The following TNS3 variants were observed in gnomAD, a reference collection of about 807,000 sequenced individuals.
TNS3 encodes the protein tensin-3.
TNS3 carries 45 observed loss-of-function variants against 140.9 expected under a neutral mutation model. That is an observed-to-expected ratio of 0.32 (90% CI 0.25 to 0.41). The LOEUF is 0.41. Among genes scored for constraint, TNS3 ranks in the 10% least tolerant of loss-of-function variants. TNS3 has a pLI of 1.00. For missense variants in TNS3, 1,716 were observed against 1,906.7 expected, an observed-to-expected ratio of 0.90 and a Z score of 1.86; for synonymous variants, 815 against 788.4, an observed-to-expected ratio of 1.03 and a Z score of -0.56.
At chr7:47,418,590 T>C (rs1482990962) in intron 10 of TNS3, among the ~76,000 whole-genome samples, 1 of 152,256 alleles carries the variant, frequency 6.6e-6, no homozygotes, top group East Asian at 1.9e-4. Flanking sequence ...ATTTTCCCAT[T>C]GCTATCTTTT....
chr7:47,449,632 G>A (rs891247624), intron 4 of TNS3, among the ~76,000 whole-genome samples: 2 of 152,164 alleles, frequency 1.3e-5, no homozygotes, highest in African/African-American at 4.8e-5. Flanking sequence ...GTTTGAGACA[G>A]GGTCTCACTC....
intron 3 of TNS3, among the ~76,000 whole-genome samples, chr7:47,503,096 A>G (rs1262826744): frequency 1.3e-5 from 2 of 152,046 alleles, no homozygotes; most frequent in Non-Finnish European, 2.9e-5. Context: ...TCCCCTCACT[A>G]ACTCCTGCGT....
intron 4 of TNS3, among the ~76,000 whole-genome samples, chr7:47,463,279 T>G (rs1366772689): frequency 6.6e-6 from 1 of 152,110 alleles, no homozygotes; most frequent in Non-Finnish European, 1.5e-5. Context: ...ACCCCATCTC[T>G]ACTAAAAATG....
intron 13 of TNS3, among the ~76,000 whole-genome samples, chr7:47,406,245 G>A (rs536967786): frequency 7.2e-5 from 11 of 152,316 alleles, no homozygotes; most frequent in South Asian, 2.1e-4. Context: ...GAGGGGCCAA[G>A]CAGGGATGGG....
At chr7:47,392,394 C>A (rs1201920461) in intron 16 of TNS3, among the ~76,000 whole-genome samples, 2 of 152,180 alleles carry the variant, frequency 1.3e-5, no homozygotes, top group African/African-American at 4.8e-5. Flanking sequence ...AAGGCAGCTG[C>A]AGAGGGCTCC....
At chr7:47,280,542 A>T (rs1394022319) in intron 28 of TNS3, among the ~76,000 whole-genome samples, 188 bp from the exon 29 acceptor site, 2 of 152,256 alleles carry the variant, frequency 1.3e-5, no homozygotes, top group African/African-American at 2.4e-5. Context: ...GAAGCTGGGC[A>T]GAACAGTTGT....
intron 17 of TNS3, among the ~76,000 whole-genome samples, chr7:47,356,842 T>C (rs1790019786): frequency 6.6e-6 from 1 of 151,326 alleles, no homozygotes; most frequent in African/African-American, 2.4e-5. Context: ...TTTGAGAGAC[T>C]GAGGAGGGTG....
intron 11 of TNS3, 82 bp downstream of exon 11, chr7:47,415,012 G>C: frequency 1.9e-6 from 2 of 1,036,652 alleles, no homozygotes; most frequent in Non-Finnish European, 1.4e-6. Context: ...GAAAGCCGAG[G>C]CTTATCTAAA....
At position 47,489,025 on chromosome 7, in the gene TNS3, C is replaced by A. The variant is rs566039326; in HGVS notation, c.-114-7884G>T. Among the ~76,000 whole-genome samples the A allele has an allele frequency of 4.6e-5, 7 of 152,318 alleles. 1 individual carries two copies. In the South Asian group the frequency reaches 1.4e-3, roughly 32 times the overall value. ...TCTCTGCTTCCTTCAAGAGCTCACC[C>A]TAACTTTGCTTCTGTGTCTCCTTTG... On this transcript the variant is annotated intron_variant, in intron 3 of 30. Transcript: ENST00000311160.
At chr7:47,557,952 C>A (rs964139439) in intron 1 of TNS3, among the ~76,000 whole-genome samples, 13 of 152,194 alleles carry the variant, frequency 8.5e-5, no homozygotes, top group Non-Finnish European at 2.9e-5. Context: ...AGAAGGCCTG[C>A]GGTGAGCAGG....
At chr7:47,487,150 T>A (rs1247097871) in intron 3 of TNS3, among the ~76,000 whole-genome samples, 1 of 151,980 alleles carries the variant, frequency 6.6e-6, no homozygotes, top group Non-Finnish European at 1.5e-5. Flanking sequence ...AATACAAAAC[T>A]TAGCAGGGCG....
At chr7:47,427,209 T>A (rs1794705227) in intron 9 of TNS3, among the ~76,000 whole-genome samples, 2 of 151,416 alleles carry the variant, frequency 1.3e-5, no homozygotes, top group Admixed American at 1.3e-4. Flanking sequence ...CAACCAAATG[T>A]CTTTGGCATC....
chr7:47,429,787 A>G (rs1345363136), intron 8 of TNS3, among the ~76,000 whole-genome samples: 1 of 152,212 alleles, frequency 6.6e-6, no homozygotes, highest in Non-Finnish European at 1.5e-5. Flanking sequence ...GAAACTACTG[A>G]TCAAATTCAA....
intron 10 of TNS3, among the ~76,000 whole-genome samples, chr7:47,418,621 T>A (rs1278208103): frequency 6.6e-6 from 1 of 152,178 alleles, no homozygotes; most frequent in African/African-American, 2.4e-5. Flanking sequence ...AGGAAATAAC[T>A]CCCTGGAGAT....
chr7:47,439,095 C>G (rs1795332858), intron 6 of TNS3, among the ~76,000 whole-genome samples: 1 of 152,208 alleles, frequency 6.6e-6, no homozygotes, highest in Non-Finnish European at 1.5e-5. Flanking sequence ...GGGTGCCCAC[C>G]TAATTTGTCT....
At chr7:47,440,015 G>A (rs1795385198) in intron 5 of TNS3, among the ~76,000 whole-genome samples, 1 of 152,190 alleles carries the variant, frequency 6.6e-6, no homozygotes, top group South Asian at 2.1e-4. Flanking sequence ...CAGGAACAGG[G>A]TTCCAGGCGG....
intron 6 of TNS3, 77 bp downstream of exon 6, chr7:47,439,410 G>T: frequency 6.7e-7 from 1 of 1,503,614 alleles, no homozygotes; most frequent in Non-Finnish European, 9.0e-7. Flanking sequence ...GTAAACCAGT[G>T]TTCTGTGAGT....
intron 10 of TNS3, among the ~76,000 whole-genome samples, chr7:47,420,097 A>T (rs1330236670): frequency 6.6e-6 from 1 of 152,242 alleles, no homozygotes; most frequent in Non-Finnish European, 1.5e-5. Flanking sequence ...GAGGAGCCTC[A>T]TCCTTTAGAG....
intron 16 of TNS3, among the ~76,000 whole-genome samples, chr7:47,389,079 A>AAGC (rs1792308977): frequency 1.6e-5 from 1 of 62,080 alleles, no homozygotes; most frequent in African/African-American, 7.6e-5. Context: ...GAAGAAGAAG[A>AAGC]AGAAGAGGAA....
Sources: gnomAD v4.1 joint callset for allele counts (sites outside exome capture counted in the v4.1 genomes callset) on GRCh38, gnomAD v4.1.1 for gene constraint, MANE v1.5 for transcripts, NCBI Gene and HGNC (gene_info 2026-07-23, HGNC 2026-07-21) for gene names.